ZCCHC10: variants seen among roughly 807,000 people sequenced by gnomAD.
ZCCHC10 encodes the protein zinc finger CCHC-type containing 10.
ZCCHC10 carries 16 observed loss-of-function variants against 19.5 expected under a neutral mutation model. The ratio of observed to expected loss-of-function variants is 0.82; its 90% CI spans 0.56 to 1.25. The LOEUF is 1.25. Ranked by LOEUF, ZCCHC10 falls within the 50% of genes most tolerant of loss-of-function variation. The pLI, the probability that ZCCHC10 is intolerant of heterozygous loss-of-function variation, is 0.00. For missense variants in ZCCHC10, 197 were observed against 201.0 expected, an observed-to-expected ratio of 0.98 and a Z score of 0.12; for synonymous variants, 67 against 72.5, an observed-to-expected ratio of 0.92 and a Z score of 0.38.
intron 2 of ZCCHC10, among the ~76,000 whole-genome samples, 178 bp from the exon 3 acceptor site, chr5:133,007,098 G>A (rs536764572): frequency 6.6e-6 from 1 of 152,202 alleles, no homozygotes; most frequent in East Asian, 1.9e-4. Context: ...GTAATGACAT[G>A]GTTTGGCTGT....
chr5:133,017,002 A>G (rs1348083135), intron 2 of ZCCHC10, among the ~76,000 whole-genome samples: 3 of 151,522 alleles, frequency 2.0e-5, no homozygotes, highest in Admixed American at 6.6e-5. Flanking sequence ...ATACCTACTC[A>G]CATACCCTGT....
intron 2 of ZCCHC10, among the ~76,000 whole-genome samples, chr5:133,013,942 T>A (rs910111524): frequency 6.6e-6 from 1 of 152,136 alleles, no homozygotes; most frequent in African/African-American, 2.4e-5. Flanking sequence ...TTCCTTTATG[T>A]ATTATAGCTT....
intron 2 of ZCCHC10, among the ~76,000 whole-genome samples, chr5:133,018,822 T>C (rs1396448875): frequency 6.6e-6 from 1 of 152,202 alleles, no homozygotes; most frequent in Non-Finnish European, 1.5e-5. Context: ...TAGAGTCACA[T>C]AGCCAGGAAG....
intron 3 of ZCCHC10, among the ~76,000 whole-genome samples, chr5:133,004,081 G>T (rs1052379948): frequency 2.6e-5 from 4 of 152,004 alleles, no homozygotes; most frequent in Non-Finnish European, 5.9e-5. Flanking sequence ...CTTCATGGTA[G>T]AATGTGACCA....
At chr5:133,025,685 T>C (rs1181467107) in intron 1 of ZCCHC10, among the ~76,000 whole-genome samples, 2 of 152,112 alleles carry the variant, frequency 1.3e-5, no homozygotes, top group African/African-American at 4.8e-5. Flanking sequence ...CCGGATGCTC[T>C]TTCTCAAAAT....
chr5:133,010,436 G>A (rs1763424165), intron 2 of ZCCHC10, among the ~76,000 whole-genome samples: 1 of 151,972 alleles, frequency 6.6e-6, no homozygotes, highest in African/African-American at 2.4e-5. Context: ...TGTTATATAG[G>A]TACTCATATA....
chr5:133,000,092 T>G (rs750997281), intron 4 of ZCCHC10, 40 bp downstream of exon 4: 2 of 1,597,226 alleles, frequency 1.3e-6, no homozygotes, highest in Non-Finnish European at 1.7e-6. Flanking sequence ...CCAATTAGTA[T>G]TACATGTTAT....
intron 3 of ZCCHC10, among the ~76,000 whole-genome samples, chr5:133,001,305 C>T (rs961912755): frequency 6.6e-6 from 1 of 151,800 alleles, no homozygotes; most frequent in Non-Finnish European, 1.5e-5. Flanking sequence ...GCAGGAGAAT[C>T]TCTTGAACCT....
chr5:133,026,530 G>T lies in ZCCHC10; in HGVS notation c.8C>A (p.Thr3Asn), dbSNP rs1208092160. Residue 3 changes from threonine (T) to asparagine (N), a missense_variant, in exon 1 of 5, where the codon ACT becomes AAT. Coordinates refer to ENST00000509437, the MANE Select transcript of ZCCHC10 (RefSeq NM_001300816.3). ...CCGGGCTATTAGCCGATGCATGGGA[G>T]TCGCCATCTTAGCGCGGTCAAAGCC... MA[T>N]PMHRLIARRQ... is the part of the protein sequence containing the mutation. The T allele has an allele frequency of 6.2e-7, 1 of 1,613,736 alleles. No individual in the cohort carries two copies.
At chr5:133,021,980 A>T (rs1273545791) in intron 2 of ZCCHC10, among the ~76,000 whole-genome samples, 2 of 152,000 alleles carry the variant, frequency 1.3e-5, no homozygotes, top group African/African-American at 4.8e-5. Flanking sequence ...TTTTTAGTAG[A>T]TATGGGGTTT....
intron 2 of ZCCHC10, chr5:133,018,992 C>T: frequency 2.4e-6 from 1 of 416,558 alleles, no homozygotes; most frequent in Non-Finnish European, 4.7e-6. Context: ...TATTGAGAAA[C>T]TGGTAGCTTG....
chr5:133,007,448 CAGG>C (rs769386238), intron 2 of ZCCHC10, among the ~76,000 whole-genome samples: 6 of 151,486 alleles, frequency 4.0e-5, no homozygotes, highest in Non-Finnish European at 5.9e-5. Context: ...GAGGCTGAGG[CAGG>C]AGAATGGTAT....
chr5:133,009,105 C>A (rs1294100861), intron 2 of ZCCHC10, among the ~76,000 whole-genome samples: 1 of 151,910 alleles, frequency 6.6e-6, no homozygotes, highest in Non-Finnish European at 1.5e-5. Context: ...CAGGTTCAAG[C>A]AATTCTCCTG....
intron 2 of ZCCHC10, among the ~76,000 whole-genome samples, chr5:133,012,767 T>C (rs1335316001): frequency 6.7e-6 from 1 of 149,182 alleles, no homozygotes; most frequent in Non-Finnish European, 1.5e-5. Flanking sequence ...ATACAAAAAA[T>C]AGGCCGGGTG....
At chr5:133,002,061 A>G (rs1032392845) in intron 3 of ZCCHC10, among the ~76,000 whole-genome samples, 2 of 119,742 alleles carry the variant, frequency 1.7e-5, no homozygotes, top group Admixed American at 9.2e-5. Flanking sequence ...TCCCGGGTTC[A>G]TGCCATTTCC....
At position 132,998,853 on chromosome 5, in the gene ZCCHC10, A is replaced by C; in HGVS notation, c.312-3T>G. On this transcript the variant is annotated splice_region_variant and splice_polypyrimidine_tract_variant and intron_variant, in intron 4 of 4. Transcript: ENST00000509437. ...TGGAACTGGTTACACTCTTAGACCT[A>C]TTAGACAATACAGAGTTATATACAT... The C allele has an allele frequency of 6.2e-7, 1 of 1,613,764 alleles. No homozygotes were observed. The highest frequency in any genetic ancestry group is 8.5e-7 in the Non-Finnish European group (1 of 1,179,824).
At chr5:133,013,575 A>G (rs1763717643) in intron 2 of ZCCHC10, among the ~76,000 whole-genome samples, 1 of 151,988 alleles carries the variant, frequency 6.6e-6, no homozygotes, top group African/African-American at 2.4e-5. Context: ...TACAAAAATT[A>G]GCTGGGCATG....
At chr5:133,010,399 T>C (rs1763421101) in intron 2 of ZCCHC10, among the ~76,000 whole-genome samples, 1 of 152,022 alleles carries the variant, frequency 6.6e-6, no homozygotes, top group Non-Finnish European at 1.5e-5. Flanking sequence ...ATTATAGGCT[T>C]TGTGGAACAA....
intron 2 of ZCCHC10, among the ~76,000 whole-genome samples, chr5:133,014,154 CTTTTT>C (rs767551153): frequency 1.8e-5 from 2 of 113,070 alleles, no homozygotes; most frequent in Admixed American, 9.6e-5. Flanking sequence ...ACTATTTACT[CTTTTT>C]TTTTTTTTTT....
Sources: allele counts gnomAD v4.1 joint callset (sites outside exome capture counted in the v4.1 genomes callset), GRCh38; gene constraint gnomAD v4.1.1; transcripts MANE v1.5; gene names NCBI Gene and HGNC (gene_info 2026-07-23, HGNC 2026-07-21).